STK32B: variants seen among roughly 807,000 people sequenced by gnomAD.
STK32B encodes serine/threonine kinase 32B, also known as serine/threonine-protein kinase 32B.
In STK32B, 43 loss-of-function variants were observed where a neutral mutation model predicts 52.6. That is an observed-to-expected ratio of 0.82 (90% confidence interval 0.64 to 1.05). STK32B has a LOEUF of 1.05. Ranked by LOEUF, STK32B falls within the 50% of genes least tolerant of loss-of-function variation. STK32B has a pLI of 0.00. For synonymous variants in STK32B, 238 were observed against 204.3 expected (o/e 1.17, Z -1.41); for missense variants, 621 against 534.6 (o/e 1.16, Z -1.59).
intron 1 of STK32B, among the ~76,000 whole-genome samples, chr4:5,052,561 T>C (rs1296981393): frequency 6.6e-6 from 1 of 152,116 alleles, no homozygotes; most frequent in Non-Finnish European, 1.5e-5. Flanking sequence ...GAGCTCCCTA[T>C]TTGGACTAGC....
intron 1 of STK32B, among the ~76,000 whole-genome samples, chr4:5,116,302 C>A (rs943618460): frequency 6.6e-6 from 1 of 152,118 alleles, no homozygotes; most frequent in Non-Finnish European, 1.5e-5. Context: ...GGGCCCCGTG[C>A]TTGGTTTAAT....
At chr4:5,244,035 T>C (rs74390099) in intron 3 of STK32B, among the ~76,000 whole-genome samples, 2 of 151,478 alleles carry the variant, frequency 1.3e-5, no homozygotes, top group Non-Finnish European at 2.9e-5. Flanking sequence ...TTGGTCTAAA[T>C]TTCTCTTTTT....
At chr4:5,080,138 C>T (rs1407016344) in intron 1 of STK32B, among the ~76,000 whole-genome samples, 1 of 152,046 alleles carries the variant, frequency 6.6e-6, no homozygotes, top group East Asian at 1.9e-4. Context: ...GATCATGTTA[C>T]TCCAGTGCAC....
chr4:5,126,610 GTCATTTAGCTCT>G (rs1328709133), intron 1 of STK32B, among the ~76,000 whole-genome samples: 4 of 152,244 alleles, frequency 2.6e-5, no homozygotes, highest in Non-Finnish European at 5.9e-5. Flanking sequence ...ACATCATTTT[GTCATTTAGCTCT>G]TCATTCTGGT....
At chr4:5,246,048 G>A (rs903139586) in intron 3 of STK32B, among the ~76,000 whole-genome samples, 15 of 152,160 alleles carry the variant, frequency 9.9e-5, no homozygotes, top group South Asian at 2.1e-4. Flanking sequence ...ACAATTATGT[G>A]TCTTGGAGTT....
rs568239698 is a variant in STK32B, at chr4:5,240,626, A to G, written c.260+72176A>G. Reference sequence around the variant, plus strand: ...AGGCATGTACCACCGCACCCAGCTAATTTTTGTATTTTTAGGAGAGATGTG... The same window carrying G: ...AGGCATGTACCACCGCACCCAGCTAGTTTTTGTATTTTTAGGAGAGATGTG... On this transcript the variant is annotated intron_variant, in intron 3 of 11. Coordinates refer to ENST00000282908, the MANE Select transcript of STK32B (RefSeq NM_018401.3). 2.6e-4 allele frequency among the ~76,000 whole-genome samples: 40 copies of G among 152,060 alleles called. 1 individual carries two copies. The highest frequency in any genetic ancestry group is 8.7e-4 in the African/African-American group (36 of 41,478).
intron 3 of STK32B, among the ~76,000 whole-genome samples, chr4:5,294,745 C>G (rs921117952): frequency 3.9e-5 from 6 of 152,090 alleles, no homozygotes; most frequent in Non-Finnish European, 7.4e-5. Context: ...TCCTCTATTC[C>G]TATCTGAATA....
chr4:5,284,575 G>A (rs1728424009), intron 3 of STK32B, among the ~76,000 whole-genome samples: 1 of 152,124 alleles, frequency 6.6e-6, no homozygotes, highest in South Asian at 2.1e-4. Flanking sequence ...CCGTACACGG[G>A]GACATTCAAA....
At chr4:5,063,040 C>T (rs952376067) in intron 1 of STK32B, among the ~76,000 whole-genome samples, 2 of 152,196 alleles carry the variant, frequency 1.3e-5, no homozygotes, top group South Asian at 2.1e-4. Flanking sequence ...TATTGTGAAC[C>T]ATACGGCTGT....
intron 1 of STK32B, among the ~76,000 whole-genome samples, chr4:5,123,416 G>A (rs921947677): frequency 2.6e-5 from 4 of 152,166 alleles, no homozygotes; most frequent in Admixed American, 1.3e-4. Flanking sequence ...ACCCAGCCCC[G>A]TGCTTTTCCA....
chr4:5,485,190 A>G (rs968885462), intron 11 of STK32B, among the ~76,000 whole-genome samples: 1 of 151,956 alleles, frequency 6.6e-6, no homozygotes, highest in Non-Finnish European at 1.5e-5. Context: ...GTGTTTTCCA[A>G]CTTGGTTCCA....
Position 5,470,162 on chromosome 4 carries a change from G to A in STK32B, c.1106+2092G>A, listed in dbSNP as rs1717743840. Among the ~76,000 whole-genome samples the A allele has an allele frequency of 6.6e-6, 1 of 152,172 alleles. No homozygotes were observed. On this transcript the variant is annotated intron_variant, in intron 11 of 11. Coordinates refer to ENST00000282908, the MANE Select transcript of STK32B (RefSeq NM_018401.3). The surrounding 1 kb of genome is among the most constrained non-coding windows in gnomAD (Gnocchi z 4.6). ...ACATCCTTCCCTGTGTCATTTAGGA[G>A]TTGCGTCTGCTGCTTTTAGCAGAAA...
chr4:5,205,699 C>CGT (rs1553850501), intron 3 of STK32B, among the ~76,000 whole-genome samples: 11 of 70,962 alleles, frequency 1.6e-4, no homozygotes, highest in South Asian at 7.0e-4. Flanking sequence ...ACCAGGCGCG[C>CGT]GCGCGTGTGT....
intron 2 of STK32B, among the ~76,000 whole-genome samples, chr4:5,147,432 T>C (rs1716998438): frequency 6.6e-6 from 1 of 152,130 alleles, no homozygotes; most frequent in African/African-American, 2.4e-5. Flanking sequence ...TAAATCTTTA[T>C]TGCAGTAGCT....
At chr4:5,264,093 T>G (rs9985784) in intron 3 of STK32B, among the ~76,000 whole-genome samples, 25,467 of 152,182 alleles carry the variant, frequency 0.17, 4,143 homozygotes, top group African/African-American at 0.42. Context: ...TTTGGGTTTG[T>G]ACTATTATAA....
intron 5 of STK32B, among the ~76,000 whole-genome samples, chr4:5,403,976 C>T (rs770483868): frequency 1.3e-5 from 2 of 151,600 alleles, no homozygotes; most frequent in Non-Finnish European, 2.9e-5. Flanking sequence ...TAAAGCTGTT[C>T]TACGTGTCCT....
At chr4:5,155,457 A>G (rs1717741968) in intron 2 of STK32B, among the ~76,000 whole-genome samples, 2 of 152,154 alleles carry the variant, frequency 1.3e-5, no homozygotes, top group African/African-American at 4.8e-5. Flanking sequence ...ACATGCACAT[A>G]TATGTACATA....
At chr4:5,214,387 C>T (rs981779048) in intron 3 of STK32B, 1 of 152,196 alleles carries the variant, frequency 6.6e-6, no homozygotes, top group Non-Finnish European at 1.5e-5. Flanking sequence ...ATAAATTGCC[C>T]AGTCTCGGGT....
intron 4 of STK32B, among the ~76,000 whole-genome samples, chr4:5,368,921 G>C (rs1735049064): frequency 6.6e-6 from 1 of 152,116 alleles, no homozygotes; most frequent in South Asian, 2.1e-4. Flanking sequence ...CCTTGCTGTG[G>C]CAAAGATGGC....
Sources: gnomAD v4.1 joint callset for allele counts (sites outside exome capture counted in the v4.1 genomes callset) on GRCh38, gnomAD v4.1.1 for gene constraint, Gnocchi (gnomAD v3.1) non-coding constraint, MANE v1.5 for transcripts, NCBI Gene and HGNC (gene_info 2026-07-23, HGNC 2026-07-21) for gene names.